Variants in PDZRN3 observed in about 807,000 individuals in gnomAD.
PDZRN3 encodes E3 ubiquitin-protein ligase PDZRN3.
PDZRN3 carries 38 observed loss-of-function variants against 85.7 expected under a neutral mutation model. The observed-to-expected ratio is 0.44, with a 90% CI of 0.34 to 0.58. The LOEUF (loss-of-function observed/expected upper bound fraction) is 0.58. Ranked by LOEUF, PDZRN3 falls within the 20% of genes least tolerant of loss-of-function variation. The pLI, the probability that PDZRN3 is intolerant of heterozygous loss-of-function variation, is 0.01. For missense variants in PDZRN3, 1,629 were observed against 1,506.4 expected, an observed-to-expected ratio of 1.08 and a Z score of -1.35; for synonymous variants, 759 against 638.0, an observed-to-expected ratio of 1.19 and a Z score of -2.86.
intron 1 of PDZRN3, among the ~76,000 whole-genome samples, chr3:73,611,703 G>A (rs778980271): frequency 6.6e-6 from 1 of 152,166 alleles, no homozygotes; most frequent in Non-Finnish European, 1.5e-5. Flanking sequence ...CTTTGACAAC[G>A]TGATTCTGGT....
intron 3 of PDZRN3, among the ~76,000 whole-genome samples, chr3:73,529,284 G>T (rs1704599737): frequency 6.6e-6 from 1 of 152,180 alleles, no homozygotes; most frequent in Non-Finnish European, 1.5e-5. Context: ...CAAGTGTTTG[G>T]TGCCGGCACC....
At chr3:73,572,951 A>G (rs1212583219) in intron 3 of PDZRN3, among the ~76,000 whole-genome samples, 1 of 152,246 alleles carries the variant, frequency 6.6e-6, no homozygotes, top group East Asian at 1.9e-4. Flanking sequence ...TGAGAAAATA[A>G]CACACAACTC....
chr3:73,452,813 T>C (rs1387366479), intron 3 of PDZRN3, among the ~76,000 whole-genome samples: 2 of 142,056 alleles, frequency 1.4e-5, no homozygotes, highest in Non-Finnish European at 3.1e-5. Flanking sequence ...CAACGACTAG[T>C]GCCAATTCTC....
chr3:73,484,330 C>T (rs1053048242), intron 3 of PDZRN3, among the ~76,000 whole-genome samples: 2 of 152,144 alleles, frequency 1.3e-5, no homozygotes, highest in Non-Finnish European at 2.9e-5. Flanking sequence ...GGAGCAGACG[C>T]ATGGGTGATT....
intron 3 of PDZRN3, among the ~76,000 whole-genome samples, chr3:73,523,446 G>A (rs1277188428): frequency 1.3e-5 from 2 of 148,734 alleles, no homozygotes; most frequent in Non-Finnish European, 3.0e-5. Flanking sequence ...GTCACAAATT[G>A]CAATAGCTAT....
intron 3 of PDZRN3, among the ~76,000 whole-genome samples, chr3:73,448,697 A>G (rs1702799224): frequency 6.6e-6 from 1 of 152,220 alleles, no homozygotes; most frequent in African/African-American, 2.4e-5. Flanking sequence ...CATTTAGAAC[A>G]GAATTGTTCA....
At chr3:73,473,502 A>C (rs552945961) in intron 3 of PDZRN3, among the ~76,000 whole-genome samples, 64 of 152,262 alleles carry the variant, frequency 4.2e-4, no homozygotes, top group African/African-American at 1.5e-3. Context: ...ACATAGGCCC[A>C]TTTAAACATT....
In PDZRN3 at chr3:73,573,778, T is replaced by A. The variant is rs1293401826; in HGVS notation, c.918+28576A>T. ...ACACACACAAATACATACACACATATACATATACATATACATATACATACA... is the reference window on the plus strand; with the variant it reads ...ACACACACAAATACATACACACATAAACATATACATATACATATACATACA... On this transcript the variant is annotated intron_variant, in intron 3 of 9. Transcript: ENST00000263666. 3.4e-5 allele frequency among the ~76,000 whole-genome samples: 5 copies of A among 146,014 alleles called. No individual in the cohort carries two copies. The South Asian group carries it at 1.1e-3, about 33-fold the overall frequency.
chr3:73,397,281 T>C (rs1486704196), intron 5 of PDZRN3, among the ~76,000 whole-genome samples: 4 of 152,234 alleles, frequency 2.6e-5, no homozygotes, highest in Non-Finnish European at 4.4e-5. Context: ...ATAATATCCA[T>C]GGAACTAGCT....
rs762904636 is a variant in PDZRN3 at position 73,407,545 on chromosome 3, A to T, written c.919-3150T>A. Among the ~76,000 whole-genome samples, 142 of 152,254 alleles carry T rather than the reference A, an allele frequency of 9.3e-4. 2 individuals are homozygous for T. Among genetic ancestry groups the T allele is most frequent in the Non-Finnish European group, 2.2e-4 (15 of 68,050 alleles). On this transcript the variant is annotated intron_variant, in intron 3 of 9. Transcript: ENST00000263666. Reference sequence around the variant, plus strand: ...TATCACATAGATATATTGTAAAATTAGGCACAAATGTTTTCTCATTCATTC... The same window carrying T: ...TATCACATAGATATATTGTAAAATTTGGCACAAATGTTTTCTCATTCATTC...
intron 3 of PDZRN3, among the ~76,000 whole-genome samples, chr3:73,487,598 C>G (rs1703688010): frequency 6.6e-6 from 1 of 152,174 alleles, no homozygotes; most frequent in East Asian, 1.9e-4. Flanking sequence ...TGACCCTAAG[C>G]TTTCTTCTCT....
intron 3 of PDZRN3, among the ~76,000 whole-genome samples, chr3:73,555,158 T>A (rs1235330751): frequency 6.6e-6 from 1 of 152,200 alleles, no homozygotes; most frequent in Non-Finnish European, 1.5e-5. Context: ...TTTTTTTTTC[T>A]TTCAGAGAGG....
chr3:73,483,341 A>G (rs9826829), intron 3 of PDZRN3, among the ~76,000 whole-genome samples: 331 of 152,340 alleles, frequency 2.2e-3, no homozygotes, highest in African/African-American at 7.7e-3. Context: ...AAACCCTTTT[A>G]GTTAGATGCA....
chr3:73,565,353 C>T (rs981902213), intron 3 of PDZRN3, among the ~76,000 whole-genome samples: 12 of 151,906 alleles, frequency 7.9e-5, no homozygotes, highest in Non-Finnish European at 1.8e-4. Flanking sequence ...TGGTACTGAA[C>T]TCCTGACCTT....
chr3:73,424,805 T>A (rs142238605), intron 3 of PDZRN3, among the ~76,000 whole-genome samples: 5 of 152,084 alleles, frequency 3.3e-5, no homozygotes, highest in Non-Finnish European at 7.4e-5. Context: ...ATAGTCAGGG[T>A]GAAGCAAATT....
intron 1 of PDZRN3, among the ~76,000 whole-genome samples, chr3:73,612,663 G>C (rs1702701374): frequency 6.6e-6 from 1 of 152,166 alleles, no homozygotes; most frequent in Admixed American, 6.6e-5. Flanking sequence ...TGTGTTTTGG[G>C]CATTGTCTTA....
intron 3 of PDZRN3, among the ~76,000 whole-genome samples, chr3:73,563,759 C>T (rs1701885972): frequency 6.6e-6 from 1 of 152,200 alleles, no homozygotes; most frequent in Non-Finnish European, 1.5e-5. Flanking sequence ...GCTCTACATG[C>T]TTAATAAACT....
At chr3:73,446,294 T>C (rs925577708) in intron 3 of PDZRN3, among the ~76,000 whole-genome samples, 8 of 152,208 alleles carry the variant, frequency 5.3e-5, no homozygotes, top group Admixed American at 3.9e-4. Flanking sequence ...ACATGGGCAG[T>C]GAGCGTTTCT....
chr3:73,439,989 C>A (rs1702601856), intron 3 of PDZRN3, among the ~76,000 whole-genome samples: 2 of 152,138 alleles, frequency 1.3e-5, no homozygotes. Flanking sequence ...CCACCCACCT[C>A]AGCCTCCCAA....
Sources: gnomAD v4.1 joint callset for allele counts (sites outside exome capture counted in the v4.1 genomes callset) on GRCh38, gnomAD v4.1.1 for gene constraint, MANE v1.5 for transcripts, NCBI Gene and HGNC (gene_info 2026-07-23, HGNC 2026-07-21) for gene names.